Variants in PLXDC2 observed in about 807,000 individuals in gnomAD.
The protein encoded by PLXDC2 is plexin domain containing 2.
In PLXDC2, 40 loss-of-function variants were observed where a neutral mutation model predicts 68.9. The ratio of observed to expected loss-of-function variants is 0.58; its 90% confidence interval spans 0.45 to 0.76. The LOEUF is 0.76. PLXDC2 is among the 30% of genes least tolerant of loss of function. PLXDC2 has a pLI of 0.00. For synonymous variants in PLXDC2, 243 were observed against 234.2 expected (o/e 1.04, Z -0.34); for missense variants, 644 against 661.9 (o/e 0.97, Z 0.30).
At chr10:19,952,857 G>T (rs1427726830) in intron 1 of PLXDC2, among the ~76,000 whole-genome samples, 1 of 152,056 alleles carries the variant, frequency 6.6e-6, no homozygotes, top group Non-Finnish European at 1.5e-5. Context: ...TTTTTGTCTG[G>T]CCAGAAGGGA....
chr10:20,257,997 C>CTTTTTTTTTTTTTTTTTTTTTTTTTTTTT (rs550997528), intron 13 of PLXDC2, among the ~76,000 whole-genome samples: 5 of 84,362 alleles, frequency 5.9e-5, no homozygotes, highest in Admixed American at 1.3e-4. Context: ...TTTTTTCTTT[C>CTTTTTTTTTTTTTTTTTTTTTTTTTTTTT]TTTTTTTTTT....
At chr10:20,272,133 G>T (rs1255166229) in intron 13 of PLXDC2, among the ~76,000 whole-genome samples, 2 of 152,072 alleles carry the variant, frequency 1.3e-5, no homozygotes, top group Admixed American at 6.6e-5. Context: ...AGGGGATGTA[G>T]CTTTTTAAAA....
chr10:20,099,159 C>T lies in PLXDC2; in HGVS notation c.541+30920C>T, dbSNP rs182881112. On this transcript the variant is annotated intron_variant, in intron 4 of 13. Transcript: ENST00000377252. ...CGCACTGCTGAGTTCTCTATTACTG[C>T]GGCCAAAAGCATTACTAACAAGCAC... Among the ~76,000 whole-genome samples the T allele has an allele frequency of 2.4e-3, 360 of 152,130 alleles. 1 individual carries two copies. The highest frequency in any genetic ancestry group is 8.3e-3 in the African/African-American group (345 of 41,504).
intron 2 of PLXDC2, among the ~76,000 whole-genome samples, chr10:20,029,466 G>A (rs898714299): frequency 1.3e-5 from 2 of 152,098 alleles, no homozygotes; most frequent in African/African-American, 4.8e-5. Flanking sequence ...TCTCTTGAAT[G>A]TTTTCCCATA....
At chr10:19,940,308 C>G (rs988357262) in intron 1 of PLXDC2, among the ~76,000 whole-genome samples, 35 of 151,912 alleles carry the variant, frequency 2.3e-4, no homozygotes, top group African/African-American at 8.2e-4. Flanking sequence ...TTTTTTAAAT[C>G]TGCTAGGAAG....
chr10:20,143,471 A>G lies in PLXDC2; in HGVS notation c.664+54A>G. 4.4e-6 allele frequency: 7 copies of G among 1,600,434 alleles called. No homozygotes were observed. In the South Asian group the frequency reaches 7.7e-5, roughly 18 times the overall value. On this transcript the variant is annotated intron_variant, in intron 5 of 13. Coordinates refer to ENST00000377252, the MANE Select transcript of PLXDC2 (RefSeq NM_032812.9). Reference sequence around the variant, plus strand: ...GCATGTATATTTTTAAACCTCAAGCATCAGATTCATGTTAATGTTTTTGTA... The same window carrying G: ...GCATGTATATTTTTAAACCTCAAGCGTCAGATTCATGTTAATGTTTTTGTA...
chr10:20,228,200 G>T (rs547602233), intron 12 of PLXDC2, among the ~76,000 whole-genome samples: 27 of 152,136 alleles, frequency 1.8e-4, no homozygotes, highest in South Asian at 4.1e-4. Flanking sequence ...ACAAATTTAG[G>T]CATCAGCAGC....
rs1339610277 is a variant in PLXDC2, at chr10:19,933,824, GGGAA to G, written c.113-67939_113-67936del. 1.6e-4 allele frequency among the ~76,000 whole-genome samples: 22 copies of G among 135,708 alleles called. No homozygotes were observed. In the South Asian group the frequency reaches 3.5e-3, roughly 21 times the overall value. The allele number at this position is 135,708 out of a possible 152,430, so 89.0% of individuals were successfully genotyped here. A position where few individuals can be genotyped will look rare whatever the true frequency, so the allele number is the denominator to read the frequency against. On this transcript the variant is annotated intron_variant, in intron 1 of 13. Coordinates refer to ENST00000377252, the MANE Select transcript of PLXDC2 (RefSeq NM_032812.9). The stretch of plus-strand genomic sequence containing the variant: ...CAGGAGGGAGGGAAAAAAGGAAGGA[GGGAA>G]GGAAGGAAGGAGGGGAGGAAGGAAG...
chr10:20,108,136 G>T (rs934427442), intron 4 of PLXDC2, among the ~76,000 whole-genome samples: 1 of 152,144 alleles, frequency 6.6e-6, no homozygotes, highest in African/African-American at 2.4e-5. Context: ...AGCATTGAAT[G>T]AAAAATCCGT....
At chr10:19,983,330 G>C (rs1834584308) in intron 1 of PLXDC2, among the ~76,000 whole-genome samples, 1 of 152,068 alleles carries the variant, frequency 6.6e-6, no homozygotes, top group Non-Finnish European at 1.5e-5. Flanking sequence ...TTGCGAAAAA[G>C]AAAAAGAAAG....
chr10:20,074,229 A>G (rs1836393747), intron 4 of PLXDC2, among the ~76,000 whole-genome samples: 2 of 152,204 alleles, frequency 1.3e-5, no homozygotes, highest in African/African-American at 4.8e-5. Flanking sequence ...GTTTCTACTT[A>G]CAGATTTCAT....
At chr10:19,890,676 CT>C (rs56921191) in intron 1 of PLXDC2, among the ~76,000 whole-genome samples, 8,165 of 60,978 alleles carry the variant, frequency 0.13, 594 homozygotes, top group Non-Finnish European at 0.16. Context: ...CGCCCGGCTG[CT>C]TTTTTTTTTT....
intron 4 of PLXDC2, among the ~76,000 whole-genome samples, chr10:20,084,953 T>TA (rs1187365574): frequency 6.6e-6 from 1 of 152,064 alleles, no homozygotes; most frequent in African/African-American, 2.4e-5. Flanking sequence ...ACCTTTTTAA[T>TA]ATGATCTCAG....
chr10:20,082,968 T>C (rs1836597352), intron 4 of PLXDC2, among the ~76,000 whole-genome samples: 1 of 152,120 alleles, frequency 6.6e-6, no homozygotes, highest in African/African-American at 2.4e-5. Context: ...TGTATGTATG[T>C]ATGTGTACAG....
chr10:20,205,645 T>G (rs1463521441), intron 9 of PLXDC2, among the ~76,000 whole-genome samples: 1 of 152,126 alleles, frequency 6.6e-6, no homozygotes, highest in Non-Finnish European at 1.5e-5. Flanking sequence ...TTACTCATTT[T>G]TCTATGATAG....
chr10:20,060,733 T>C (rs1836087691), intron 3 of PLXDC2, among the ~76,000 whole-genome samples: 1 of 152,200 alleles, frequency 6.6e-6, no homozygotes, highest in African/African-American at 2.4e-5. Flanking sequence ...AATGATGTTT[T>C]ACTACTACTA....
At chr10:20,166,800 A>T (rs186946718) in intron 7 of PLXDC2, among the ~76,000 whole-genome samples, 1 of 152,160 alleles carries the variant, frequency 6.6e-6, no homozygotes, top group Non-Finnish European at 1.5e-5. Flanking sequence ...ATAAAATTGT[A>T]CTTAGATATC....
At chr10:20,143,024 A>G (rs982680523) in intron 4 of PLXDC2, among the ~76,000 whole-genome samples, 2 of 152,040 alleles carry the variant, frequency 1.3e-5, no homozygotes, top group African/African-American at 4.8e-5. Flanking sequence ...TAATAATCTC[A>G]TCCAGATAAT....
At chr10:20,049,252 T>A (rs1415279055) in intron 3 of PLXDC2, among the ~76,000 whole-genome samples, 1 of 152,064 alleles carries the variant, frequency 6.6e-6, no homozygotes, top group Non-Finnish European at 1.5e-5. Flanking sequence ...ACAGCTAACA[T>A]TATACCGAAT....
Sources: allele counts gnomAD v4.1 joint callset (sites outside exome capture counted in the v4.1 genomes callset), GRCh38; gene constraint gnomAD v4.1.1; transcripts MANE v1.5; gene names NCBI Gene and HGNC (gene_info 2026-07-23, HGNC 2026-07-21).